Variants in SDR9C7 observed in about 807,000 individuals in gnomAD.
SDR9C7 encodes short-chain dehydrogenase/reductase family 9C member 7.
SDR9C7 carries 11 observed loss-of-function variants against 23.6 expected under a neutral mutation model. The observed-to-expected ratio is 0.47, with a 90% confidence interval of 0.29 to 0.77. SDR9C7 has a LOEUF of 0.77. Ranked by LOEUF, SDR9C7 falls within the 30% of genes least tolerant of loss-of-function variation. SDR9C7 has a pLI of 0.09. For missense variants in SDR9C7, 387 were observed against 407.1 expected (o/e 0.95, Z 0.42); for synonymous variants, 167 against 157.3 (o/e 1.06, Z -0.46).
intron 1 of SDR9C7, among the ~76,000 whole-genome samples, chr12:56,933,656 C>T (rs903128149): frequency 3.3e-5 from 5 of 152,250 alleles, no homozygotes; most frequent in African/African-American, 9.6e-5. Flanking sequence ...CCACGCCCAG[C>T]CAGGCACGTC....
At chr12:56,927,396 G>C (rs2136367531) in intron 3 of SDR9C7, among the ~76,000 whole-genome samples, 1 of 152,280 alleles carries the variant, frequency 6.6e-6, no homozygotes, top group Non-Finnish European at 1.5e-5. Context: ...TCTTTGCTAA[G>C]AATGATCACA....
intron 1 of SDR9C7, among the ~76,000 whole-genome samples, chr12:56,931,095 C>T (rs1269517067): frequency 2.6e-5 from 4 of 151,730 alleles, no homozygotes; most frequent in Middle Eastern, 3.4e-3. Context: ...ATTAGTCAGG[C>T]GTGGTGGTAT....
In SDR9C7 at chr12:56,923,999, T is replaced by A; in HGVS notation, c.776A>T (p.Asp259Val). The A allele has an allele frequency of 1.2e-6, 2 of 1,614,162 alleles. No individual in the cohort carries two copies. Among genetic ancestry groups the A allele is most frequent in the Non-Finnish European group, 1.7e-6 (2 of 1,179,996 alleles). The change falls in exon 4 of 4, where the codon GAT becomes GTT. Residue 259 changes from aspartate to valine, a missense_variant. Transcript: ENST00000293502. ...IMQVAEPRVR[D>V]VINSMEHAIV... The stretch of plus-strand genomic sequence containing the variant: ...AGCATGCTCCATGCTGTTGATGACA[T>A]CTCTGACTCTGGGCTCTGCCACCTG...
intron 3 of SDR9C7, among the ~76,000 whole-genome samples, chr12:56,925,227 G>A (rs1260327313): frequency 6.6e-6 from 1 of 152,098 alleles, no homozygotes; most frequent in Non-Finnish European, 1.5e-5. Flanking sequence ...TGGAGATGGG[G>A]ACAGAGCACC....
intron 3 of SDR9C7, among the ~76,000 whole-genome samples, chr12:56,928,077 A>G (rs898981374): frequency 6.6e-6 from 1 of 152,184 alleles, no homozygotes; most frequent in African/African-American, 2.4e-5. Flanking sequence ...CCCTAAATCA[A>G]TGAATGAAGA....
chr12:56,924,429 A>AAAATAAATAAATAAATAAATAAAT (rs111368194), intron 3 of SDR9C7, among the ~76,000 whole-genome samples: 2 of 150,924 alleles, frequency 1.3e-5, no homozygotes, highest in African/African-American at 4.9e-5. Context: ...ACGCTGTCTC[A>AAAATAAATAAATAAATAAATAAAT]AAATAAATAA....
intron 1 of SDR9C7, among the ~76,000 whole-genome samples, chr12:56,931,215 T>C: frequency 6.6e-6 from 1 of 151,978 alleles, no homozygotes; most frequent in Middle Eastern, 3.2e-3. Context: ...GCCATTGCAC[T>C]CCAGCCTGGG....
At position 56,933,955 on chromosome 12, in the gene SDR9C7, C is replaced by T. The variant is rs371085348; in HGVS notation, c.301+6G>A. On this transcript the variant is annotated splice_donor_region_variant and intron_variant, in intron 1 of 3. Coordinates refer to ENST00000293502, the MANE Select transcript of SDR9C7 (RefSeq NM_148897.3). Reference sequence around the variant, plus strand: ...CAAGAAAGCCAAAGAATGTAATTCGCCCCACCTTGTTCGCCCACTTTGTCC... The same window carrying T: ...CAAGAAAGCCAAAGAATGTAATTCGTCCCACCTTGTTCGCCCACTTTGTCC... 3.6e-5 allele frequency: 57 copies of T among 1,601,542 alleles called. No homozygotes were observed. In the African/African-American group the frequency reaches 4.8e-4, roughly 14 times the overall value.
chr12:56,926,999 G>T (rs575387668), intron 3 of SDR9C7, among the ~76,000 whole-genome samples: 2 of 152,280 alleles, frequency 1.3e-5, no homozygotes, highest in East Asian at 1.9e-4. Flanking sequence ...TAGTTTCCTG[G>T]AGAGTGTCTC....
chr12:56,930,459 A>C lies in SDR9C7; in HGVS notation c.327T>G (p.Ala109=). ...EQGLWALVNN[A]GVGLPSGPNE... is the part of the protein sequence containing the mutation. ...TGGGACCACTGGGCAGGCCCACACCAGCATTGTTCACCAGGGCCCAGAGGC... is the reference window on the plus strand; with the variant it reads ...TGGGACCACTGGGCAGGCCCACACCCGCATTGTTCACCAGGGCCCAGAGGC... The change falls in exon 2 of 4, where the codon GCT becomes GCG. Residue 109 remains alanine (A), a synonymous_variant. Coordinates refer to ENST00000293502, the MANE Select transcript of SDR9C7 (RefSeq NM_148897.3). The C allele has an allele frequency of 1.2e-6, 2 of 1,614,166 alleles. No individual in the cohort carries two copies. The highest frequency in any genetic ancestry group is 1.7e-6 in the Non-Finnish European group (2 of 1,180,012).
Position 56,926,360 on chromosome 12 carries a change from C to T in SDR9C7, c.725-2310G>A, listed in dbSNP as rs1489593643. 3.3e-5 allele frequency among the ~76,000 whole-genome samples: 5 copies of T among 152,134 alleles called. No individual in the cohort carries two copies. In the East Asian group the frequency reaches 9.6e-4, roughly 29 times the overall value. On this transcript the variant is annotated intron_variant, in intron 3 of 3. Transcript: ENST00000293502. ...TTCACTGGGTTTCTGCAGTAGTCCC[C>T]CAGGTGGACTTTTTATCCTTCCCAC...
chr12:56,929,741 A>G (rs1256349311), intron 2 of SDR9C7, among the ~76,000 whole-genome samples, 188 bp from the exon 3 acceptor site: 1 of 152,234 alleles, frequency 6.6e-6, no homozygotes, highest in Non-Finnish European at 1.5e-5. Context: ...CTGGCCCAAC[A>G]GTCTCTGGGC....
At chr12:56,931,253 A>G (rs1182845981) in intron 1 of SDR9C7, among the ~76,000 whole-genome samples, 2 of 152,118 alleles carry the variant, frequency 1.3e-5, no homozygotes, top group Non-Finnish European at 2.9e-5. Flanking sequence ...GTCTCTAAAA[A>G]TAAAATGAAA....
At chr12:56,933,033 C>T (rs973585181) in intron 1 of SDR9C7, among the ~76,000 whole-genome samples, 1 of 152,188 alleles carries the variant, frequency 6.6e-6, no homozygotes, top group Admixed American at 6.5e-5. Flanking sequence ...GGGCCCACAC[C>T]CTGTGTGCTG....
At chr12:56,930,819 T>G (rs1955764588) in intron 1 of SDR9C7, among the ~76,000 whole-genome samples, 1 of 152,224 alleles carries the variant, frequency 6.6e-6, no homozygotes, top group Non-Finnish European at 1.5e-5. Flanking sequence ...CCCATCATAC[T>G]TCTCCCTCTC....
chr12:56,933,996 G>A lies in SDR9C7; in HGVS notation c.266C>T (p.Ala89Val), dbSNP rs374434836. 2.9e-5 allele frequency: 46 copies of A among 1,610,946 alleles called. No individual in the cohort carries two copies. The highest frequency in any genetic ancestry group is 1.2e-4 in the Admixed American group (7 of 59,964). ...CACTTTGTCCCTCACCCACTGGGCC[G>A]CCGCCTTGATGCTTTCGCTCTTGGT... ...DVTKSESIKAAAQWVRDKVGE... is the reference protein window; with the variant it reads ...DVTKSESIKAVAQWVRDKVGE... Residue 89 changes from alanine to valine, a missense_variant, in exon 1 of 4, where the codon GCG becomes GTG. By Grantham distance (64) the Ala-to-Val change is moderately conservative (BLOSUM62 0). Coordinates refer to ENST00000293502, the MANE Select transcript of SDR9C7 (RefSeq NM_148897.3).
chr12:56,930,432 G>T lies in SDR9C7; in HGVS notation c.354C>A (p.Asn118Lys), dbSNP rs373685313. ...NAGVGLPSGP[N>K]EWLTKDDFVK... ...CAAAGTCATCCTTGGTCAGCCATTC[G>T]TTGGGACCACTGGGCAGGCCCACAC... The change falls in exon 2 of 4, where the codon AAC (asparagine) becomes AAA (lysine). Residue 118 changes from asparagine (N) to lysine (K), a missense_variant. Physicochemically the swap from Asn to Lys is moderately conservative, Grantham distance 94. Coordinates refer to ENST00000293502, the MANE Select transcript of SDR9C7 (RefSeq NM_148897.3). 3 of 1,614,178 alleles carry T rather than the reference G, an allele frequency of 1.9e-6. No individual in the cohort carries two copies. The Admixed American group carries it at 5.0e-5, about 27-fold the overall frequency.
intron 1 of SDR9C7, among the ~76,000 whole-genome samples, chr12:56,933,165 T>C (rs536663014): frequency 4.6e-5 from 7 of 152,270 alleles, no homozygotes; most frequent in African/African-American, 1.7e-4. Context: ...ACACCCACCA[T>C]GATGTCAAGA....
chr12:56,929,823 G>GTCCC (rs1416722834), intron 2 of SDR9C7, among the ~76,000 whole-genome samples: 2 of 152,142 alleles, frequency 1.3e-5, no homozygotes, highest in Non-Finnish European at 2.9e-5. Context: ...CTCCCACCAG[G>GTCCC]TCCCTCCCAT....
Sources: allele counts gnomAD v4.1 joint callset (sites outside exome capture counted in the v4.1 genomes callset), GRCh38; gene constraint gnomAD v4.1.1; transcripts MANE v1.5; gene names NCBI Gene and HGNC (gene_info 2026-07-23, HGNC 2026-07-21).